TEP1: variants seen among roughly 807,000 people sequenced by gnomAD.
TEP1 encodes the protein telomerase protein component 1.
In TEP1, 241 loss-of-function variants were observed where a neutral mutation model predicts 306.3. The ratio of observed to expected loss-of-function variants is 0.79; its 90% CI spans 0.71 to 0.88. TEP1 has a LOEUF of 0.88. Ranked by LOEUF, TEP1 falls within the 40% of genes least tolerant of loss-of-function variation. TEP1 has a pLI of 0.00. For missense variants in TEP1, 3,051 were observed against 3,276.1 expected (o/e 0.93, Z 1.68); for synonymous variants, 1,289 against 1,305.5 (o/e 0.99, Z 0.27).
chr14:20,402,483 C>A (rs957365739), intron 7 of TEP1, among the ~76,000 whole-genome samples: 9 of 152,114 alleles, frequency 5.9e-5, no homozygotes, highest in Non-Finnish European at 2.9e-5. Context: ...GTTTTAATAA[C>A]GATGATGGTA....
rs1469103373 is a variant in TEP1, at chr14:20,372,731, A to C, written c.7076+2T>G. On this transcript the variant is annotated splice_donor_variant, in intron 49 of 54. Transcript: ENST00000262715. LOFTEE classifies it high-confidence loss of function. ...TCCCATTAACCCATCAGCCTGTTTC[A>C]CCTCAAATTTCCGGGTGCCGAACCC... is the stretch of plus-strand genomic sequence containing the variant. 6.2e-7 allele frequency: 1 copy of C among 1,614,008 alleles called. No homozygotes were observed. The highest frequency in any genetic ancestry group is 1.7e-5 in the Admixed American group (1 of 60,012).
intron 2 of TEP1, among the ~76,000 whole-genome samples, chr14:20,407,011 A>C (rs1421266052): frequency 6.6e-6 from 1 of 152,234 alleles, no homozygotes; most frequent in East Asian, 1.9e-4. Context: ...GAGGTTGCCC[A>C]AGGTTGCATA....
Position 20,380,010 on chromosome 14 carries a change from C to T in TEP1, c.5047G>A (p.Ala1683Thr). The T allele has an allele frequency of 6.2e-7, 1 of 1,614,056 alleles. No homozygotes were observed. Among genetic ancestry groups the T allele is most frequent in the Non-Finnish European group, 8.5e-7 (1 of 1,180,016 alleles). Reference sequence around the variant, plus strand: ...GCTCTTTGCCCATTGGTGGAGAAGGCCACAGCAGTAGGGGATGAGGAAACT... The same window carrying T: ...GCTCTTTGCCCATTGGTGGAGAAGGTCACAGCAGTAGGGGATGAGGAAACT... ...LAVSSSPTAV[A>T]FSTNGQRAAV... The change falls in exon 35 of 55, where the codon GCC (alanine) becomes ACC (threonine). Residue 1683 changes from alanine to threonine, a missense_variant. Around this residue, in one of 3 missense-constraint regions of TEP1, gnomAD observed 1,540 missense variants for 1,705.9 expected, o/e 0.90. Transcript: ENST00000262715.
intron 10 of TEP1, 92 bp downstream of exon 10, chr14:20,396,529 C>T: frequency 1.9e-6 from 2 of 1,066,170 alleles, no homozygotes; most frequent in Admixed American, 2.2e-5. Flanking sequence ...TGCCTCTGCC[C>T]CCTGAAAAAG....
intron 17 of TEP1, among the ~76,000 whole-genome samples, chr14:20,388,877 C>A (rs769286879): frequency 1.3e-5 from 2 of 152,088 alleles, no homozygotes; most frequent in Non-Finnish European, 2.9e-5. Context: ...GAGCCGGGTG[C>A]GGTGGCTCAC....
chr14:20,403,318 A>T, intron 7 of TEP1, 59 bp downstream of exon 7: 1 of 1,580,284 alleles, frequency 6.3e-7, no homozygotes, highest in Non-Finnish European at 8.6e-7. Context: ...TTTGTTCGTA[A>T]ATATTAGTCC....
At chr14:20,412,744 T>C (rs958799908) in intron 1 of TEP1, among the ~76,000 whole-genome samples, 2 of 147,204 alleles carry the variant, frequency 1.4e-5, no homozygotes, top group African/African-American at 2.5e-5. Context: ...CTGCAATCTC[T>C]GCCTGCCGAG....
Position 20,388,064 on chromosome 14 carries a change from C to T in TEP1, c.2526-1G>A. ...GGAGGCCCCATGCTCTGCAATGAAC[C>T]TGACATAAATAACAAGATAAATGAG... On this transcript the variant is annotated splice_acceptor_variant, in intron 17 of 54. Coordinates refer to ENST00000262715, the MANE Select transcript of TEP1 (RefSeq NM_007110.5). LOFTEE classifies it high-confidence loss of function. 6.2e-7 allele frequency: 1 copy of T among 1,613,954 alleles called. No individual in the cohort carries two copies. Among genetic ancestry groups the T allele is most frequent in the East Asian group, 2.2e-5 (1 of 44,888 alleles).
Position 20,369,734 on chromosome 14 carries a change from T to G in TEP1, c.7363A>C (p.Ile2455Leu), listed in dbSNP as rs1215659177. ...GEFEERLNFD[I>L]NLENPSRTLI... The stretch of plus-strand genomic sequence containing the variant: ...GTCCTACTAGGATTCTCTAAGTTTA[T>G]ATCAAAGTTCAGCCTCTCTTCAAAC... The change falls in exon 52 of 55, where the codon ATA becomes CTA. Residue 2455 changes from isoleucine to leucine, a missense_variant. Transcript: ENST00000262715. 1 of 1,614,220 alleles carries G rather than the reference T, an allele frequency of 6.2e-7. No homozygotes were observed. The highest frequency in any genetic ancestry group is 2.2e-5 in the East Asian group (1 of 44,882).
At chr14:20,407,626 C>T (rs1194944736) in intron 2 of TEP1, among the ~76,000 whole-genome samples, 1 of 152,238 alleles carries the variant, frequency 6.6e-6, no homozygotes. Flanking sequence ...CAGGCATGAG[C>T]CACCGCACCC....
chr14:20,380,861 G>A, intron 33 of TEP1, 70 bp downstream of exon 33: 1 of 1,329,190 alleles, frequency 7.5e-7, no homozygotes, highest in South Asian at 1.2e-5. Context: ...CCAACCCTGA[G>A]CAGGGCCCCC....
chr14:20,372,841 C>A lies in TEP1; in HGVS notation c.6968G>T (p.Gly2323Val), dbSNP rs1004828498. The change falls in exon 49 of 55, where the codon GGT becomes GTT. Residue 2323 changes from glycine (G) to valine (V), a missense_variant. This residue lies in a region of TEP1 where 1,540 missense variants were observed against 1,705.9 expected (regional missense o/e 0.90). Transcript: ENST00000262715. ...VATAQAPGHI[G>V]ALIWSSAHTF... ...GTGTGCCGAGGACCAGATCAGAGCA[C>A]CAATGTGGCCTGGAGCCTGGTGTAC... is the stretch of plus-strand genomic sequence containing the variant. 6.2e-7 allele frequency: 1 copy of A among 1,614,048 alleles called. No homozygotes were observed. The highest frequency in any genetic ancestry group is 8.5e-7 in the Non-Finnish European group (1 of 1,180,048).
chr14:20,410,802 G>GTTTTTTTT (rs61662364), intron 1 of TEP1, among the ~76,000 whole-genome samples: 46 of 25,182 alleles, frequency 1.8e-3, no homozygotes, highest in South Asian at 5.3e-3. Flanking sequence ...CTCCTTTGTG[G>GTTTTTTTT]TTTTTTTTTT....
intron 42 of TEP1, 27 bp downstream of exon 42, chr14:20,376,077 C>A (rs778376816): frequency 1.4e-5 from 22 of 1,609,526 alleles, no homozygotes; most frequent in Non-Finnish European, 1.7e-5. Flanking sequence ...CTATGGGACC[C>A]CAGGGTTGCA....
chr14:20,375,750 C>T lies in TEP1; in HGVS notation c.6363+5G>A, dbSNP rs368601784. 1.9e-6 allele frequency: 3 copies of T among 1,608,366 alleles called. No individual in the cohort carries two copies. The stretch of plus-strand genomic sequence containing the variant: ...GCTCTGTGCCACCCCTGGCCCTTTA[C>T]TCACCAGTAGGTTATCTTTGGTCCA... On this transcript the variant is annotated splice_donor_5th_base_variant and intron_variant, in intron 43 of 54. Transcript: ENST00000262715.
At chr14:20,407,198 G>T (rs1178095195) in intron 2 of TEP1, among the ~76,000 whole-genome samples, 3 of 152,234 alleles carry the variant, frequency 2.0e-5, no homozygotes, top group Non-Finnish European at 2.9e-5. Flanking sequence ...CAATTAAGTG[G>T]TCTCTGGTAC....
At chr14:20,402,004 G>C (rs1210148779) in intron 7 of TEP1, among the ~76,000 whole-genome samples, 1 of 152,180 alleles carries the variant, frequency 6.6e-6, no homozygotes, top group Non-Finnish European at 1.5e-5. Flanking sequence ...GGCAGGGCGT[G>C]GTGGCTCATG....
At chr14:20,388,113 C>T (rs1877363025) in intron 17 of TEP1, 50 bp from the exon 18 acceptor site, 1 of 1,600,558 alleles carries the variant, frequency 6.2e-7, no homozygotes, top group Non-Finnish European at 8.5e-7. Flanking sequence ...AGGTCGAAAT[C>T]AGTGAGGTCT....
intron 24 of TEP1, 53 bp from the exon 25 acceptor site, chr14:20,383,971 C>CT: frequency 6.3e-7 from 1 of 1,588,058 alleles, no homozygotes; most frequent in Non-Finnish European, 8.5e-7. Context: ...CCTGAGCTCC[C>CT]TGTGCCTTAC....
Sources: allele counts gnomAD v4.1 joint callset (sites outside exome capture counted in the v4.1 genomes callset), GRCh38; gene constraint gnomAD v4.1.1; regional missense constraint gnomAD v4.1.1; transcripts MANE v1.5; gene names NCBI Gene and HGNC (gene_info 2026-07-23, HGNC 2026-07-21).